Variants in RHBDD2 observed in about 807,000 individuals in gnomAD.
The protein encoded by RHBDD2 is rhomboid domain-containing protein 2.
A neutral mutation model predicts 21.7 loss-of-function variants in RHBDD2; 13 were observed. The ratio of observed to expected loss-of-function variants is 0.60; its 90% CI spans 0.39 to 0.95. RHBDD2 has a LOEUF of 0.95. Ranked by LOEUF, RHBDD2 falls within the 40% of genes least tolerant of loss-of-function variation. The probability of loss-of-function intolerance (pLI) is 0.00; values close to 1 mark genes in which losing one functional copy is unlikely to be tolerated. For missense variants in RHBDD2, 473 were observed against 478.9 expected, an observed-to-expected ratio of 0.99 and a Z score of 0.11; for synonymous variants, 225 against 220.0, an observed-to-expected ratio of 1.02 and a Z score of -0.20.
chr7:75,882,040 G>A lies in RHBDD2; in HGVS notation c.390G>A (p.Glu130=), dbSNP rs1805358231. 2 of 1,614,232 alleles carry A rather than the reference G, an allele frequency of 1.2e-6. No homozygotes were observed. Among genetic ancestry groups the A allele is most frequent in the East Asian group, 4.5e-5 (2 of 44,882 alleles). The stretch of plus-strand genomic sequence containing the variant: ...CACTGTCAAAGCTGGGGGAAGTGGA[G>A]GATGCCAGAGGTTTCACCCCAGTGG... ...VSSLSKLGEV[E]DARGFTPVAF... Residue 130 remains glutamate, a synonymous_variant, in exon 2 of 4, where the codon GAG becomes GAA. Coordinates refer to ENST00000006777, the MANE Select transcript of RHBDD2 (RefSeq NM_001040456.3).
chr7:75,885,132 A>AG (rs1335370458), intron 3 of RHBDD2, among the ~76,000 whole-genome samples: 1 of 151,646 alleles, frequency 6.6e-6, no homozygotes, highest in Admixed American at 6.6e-5. Flanking sequence ...AAAAAAAAAA[A>AG]AAAGGTGCAG....
chr7:75,879,320 C>T (rs2115968232), intron 1 of RHBDD2, 60 bp downstream of exon 1: 1 of 1,391,484 alleles, frequency 7.2e-7, no homozygotes, highest in Non-Finnish European at 9.4e-7. Flanking sequence ...TTGCCGGTTC[C>T]TGGGCTCTAG....
At position 75,888,175 on chromosome 7, in the gene RHBDD2, G is replaced by A; in HGVS notation, c.921G>A (p.Gln307=). Reference sequence around the variant, plus strand: ...CTGCCTCCGGCCTGTGCTATGTGCAGAACCACTTTGGTCCAAACCCCACCT... The same window carrying A: ...CTGCCTCCGGCCTGTGCTATGTGCAAAACCACTTTGGTCCAAACCCCACCT... The part of the protein sequence containing the change: ...YQPASGLCYV[Q]NHFGPNPTSS... The change falls in exon 4 of 4, where the codon CAG becomes CAA. Residue 307 remains glutamine, a synonymous_variant. Coordinates refer to ENST00000006777, the MANE Select transcript of RHBDD2 (RefSeq NM_001040456.3). 1.2e-6 allele frequency: 2 copies of A among 1,613,836 alleles called. No individual in the cohort carries two copies. The highest frequency in any genetic ancestry group is 1.1e-5 in the South Asian group (1 of 91,082).
Position 75,882,012 on chromosome 7 carries a change from C to T in RHBDD2, c.362C>T (p.Ser121Leu). ...AIIFLSFEAVSSLSKLGEVED... is the reference protein window; with the variant it reads ...AIIFLSFEAVLSLSKLGEVED... ...ATCTTCCTGTCATTCGAGGCTGTGT[C>T]ATCACTGTCAAAGCTGGGGGAAGTG... is the stretch of plus-strand genomic sequence containing the variant. The change falls in exon 2 of 4, where the codon TCA becomes TTA. Residue 121 changes from serine to leucine, a missense_variant. Ser to Leu is a moderately radical substitution (Grantham distance 145, BLOSUM62 -2). Transcript: ENST00000006777. 2 of 1,614,214 alleles carry T rather than the reference C, an allele frequency of 1.2e-6. No homozygotes were observed. The highest frequency in any genetic ancestry group is 1.7e-6 in the Non-Finnish European group (2 of 1,180,026).
chr7:75,886,397 C>T (rs1163910632), intron 3 of RHBDD2, among the ~76,000 whole-genome samples: 3 of 152,108 alleles, frequency 2.0e-5, no homozygotes, highest in African/African-American at 7.2e-5. Context: ...TTTAGTTGTT[C>T]TCATTGAATC....
rs1175935094 is a variant in RHBDD2 at position 75,879,186 on chromosome 7, G to A, written c.104G>A (p.Arg35His). The stretch of plus-strand genomic sequence containing the variant: ...CTCTCGCTGCTGGTTTCCGGGCCTC[G>A]CCTGTTCCTGCTGCAGCAGCCCCTG... The part of the protein sequence containing the change: ...ALLSLLVSGP[R>H]LFLLQQPLAP... Residue 35 changes from arginine (R) to histidine (H), a missense_variant, in exon 1 of 4, where the codon CGC becomes CAC. Transcript: ENST00000006777. The A allele has an allele frequency of 1.8e-5, 28 of 1,515,294 alleles. No homozygotes were observed. The highest frequency in any genetic ancestry group is 1.0e-4 in the African/African-American group (7 of 69,426). The allele number at this position is 1,515,294 out of a possible 1,614,324, so 93.9% of individuals were successfully genotyped here. A position where few individuals can be genotyped will look rare whatever the true frequency, so the allele number is the denominator to read the frequency against.
chr7:75,883,330 C>A (rs1206470937), intron 2 of RHBDD2, among the ~76,000 whole-genome samples: 4 of 151,956 alleles, frequency 2.6e-5, no homozygotes, highest in African/African-American at 9.7e-5. Context: ...ACCAGCCTAG[C>A]CAATATGGTG....
intron 3 of RHBDD2, among the ~76,000 whole-genome samples, 159 bp from the exon 4 acceptor site, chr7:75,887,833 T>A (rs543401698): frequency 6.6e-6 from 1 of 151,834 alleles, no homozygotes; most frequent in African/African-American, 2.4e-5. Flanking sequence ...TGTGGTCTGA[T>A]TGGTTGAGGT....
At chr7:75,881,414 G>C (rs1013182858) in intron 1 of RHBDD2, 2 of 1,294,268 alleles carry the variant, frequency 1.5e-6, no homozygotes, top group African/African-American at 1.5e-5. Context: ...CTGGCACACA[G>C]AGTGTTAAGT....
chr7:75,882,334 T>C (rs1222359953), intron 2 of RHBDD2, 98 bp downstream of exon 2: 8 of 1,198,970 alleles, frequency 6.7e-6, no homozygotes, highest in African/African-American at 3.1e-5. Flanking sequence ...GGGCTTACTT[T>C]GTATTTTTTC....
intron 2 of RHBDD2, chr7:75,883,387 C>T (rs186390937): frequency 9.8e-5 from 18 of 183,928 alleles, no homozygotes; most frequent in South Asian, 5.3e-4. Flanking sequence ...GGTGTGGTGA[C>T]GGGCACCTGT....
intron 1 of RHBDD2, 55 bp from the exon 2 acceptor site, chr7:75,881,774 G>T (rs1309153650): frequency 1.3e-6 from 2 of 1,517,960 alleles, no homozygotes; most frequent in South Asian, 1.3e-5. Context: ...TTATAACCTG[G>T]CTTCCCTCCT....
chr7:75,881,598 G>C, intron 1 of RHBDD2: 1 of 1,194,472 alleles, frequency 8.4e-7, no homozygotes, highest in Non-Finnish European at 1.1e-6. Flanking sequence ...TTACCGCTAA[G>C]AGTTGCACCA....
In RHBDD2 at chr7:75,888,106, C is replaced by T; in HGVS notation, c.852C>T (p.Pro284=). The change falls in exon 4 of 4, where the codon CCC becomes CCT. Residue 284 remains proline, a synonymous_variant. Transcript: ENST00000006777. ...HASGQKLASW[P]SCTPGHMPTL... is the part of the protein sequence containing the mutation. Reference sequence around the variant, plus strand: ...GTGGTCAGAAGCTGGCCTCCTGGCCCTCCTGCACCCCCGGGCACATGCCCA... The same window carrying T: ...GTGGTCAGAAGCTGGCCTCCTGGCCTTCCTGCACCCCCGGGCACATGCCCA... 6 of 1,613,802 alleles carry T rather than the reference C, an allele frequency of 3.7e-6. No homozygotes were observed. The highest frequency in any genetic ancestry group is 1.3e-5 in the African/African-American group (1 of 75,046).
chr7:75,883,362 T>C, intron 2 of RHBDD2: 1 of 172,128 alleles, frequency 5.8e-6, no homozygotes, highest in South Asian at 1.4e-4. Flanking sequence ...CTACTGAAAA[T>C]ACAAAAATTA....
chr7:75,879,052 G>A lies in RHBDD2; in HGVS notation c.-31G>A, dbSNP rs1554541899. The A allele has an allele frequency of 5.9e-6, 8 of 1,365,938 alleles. No homozygotes were observed. The highest frequency in any genetic ancestry group is 7.6e-6 in the Non-Finnish European group (8 of 1,056,360). 84.6% of individuals were successfully genotyped at this position (1,365,938 alleles called of 1,614,324 possible). ...AAGGAGCAGAGGACCGGCAGCCGGCGTCGAGGCGGGGCGCGGGAACGACGG... is the reference window on the plus strand; with the variant it reads ...AAGGAGCAGAGGACCGGCAGCCGGCATCGAGGCGGGGCGCGGGAACGACGG... On this transcript the variant is annotated 5_prime_UTR_variant, in exon 1 of 4. Transcript: ENST00000006777.
At chr7:75,882,399 T>G (rs1035188688) in intron 2 of RHBDD2, among the ~76,000 whole-genome samples, 163 bp downstream of exon 2, 2 of 152,186 alleles carry the variant, frequency 1.3e-5, no homozygotes, top group Non-Finnish European at 2.9e-5. Context: ...CTCAACTCAC[T>G]GCAACCTCTG....
At position 75,888,503 on chromosome 7, in the gene RHBDD2, C is replaced by T. The variant is rs1010070681; in HGVS notation, c.*154C>T. 6.1e-6 allele frequency: 4 copies of T among 659,072 alleles called. No homozygotes were observed. The highest frequency in any genetic ancestry group is 1.9e-5 in the South Asian group (1 of 53,914). The allele number at this position is 659,072 out of a possible 1,614,324, so 40.8% of individuals were successfully genotyped here. A position where few individuals can be genotyped will look rare whatever the true frequency, so the allele number is the denominator to read the frequency against. On this transcript the variant is annotated 3_prime_UTR_variant, in exon 4 of 4. Coordinates refer to ENST00000006777, the MANE Select transcript of RHBDD2 (RefSeq NM_001040456.3). The stretch of plus-strand genomic sequence containing the variant: ...GTTTCAGTCTCATCTGTACTCACGG[C>T]AGCCCTGTGGAGTACGGTGTACTGG...
Position 75,882,208 on chromosome 7 carries a change from T to G in RHBDD2, c.558T>G (p.Asn186Lys), listed in dbSNP as rs782152623. 1.2e-6 allele frequency: 2 copies of G among 1,613,764 alleles called. No individual in the cohort carries two copies. Among genetic ancestry groups the G allele is most frequent in the Middle Eastern group, 3.3e-4 (2 of 6,058 alleles). Residue 186 changes from asparagine to lysine, a missense_variant, in exon 2 of 4, where the codon AAT becomes AAG. Transcript: ENST00000006777. The stretch of plus-strand genomic sequence containing the variant: ...TTCCCCAGACCTCTTTCCTCAGTAA[T>G]GTCTGCGGGCTGTCCATCGGGCTGG... Reference protein sequence around the residue: ...WLIPQTSFLSNVCGLSIGLAY... With the variant: ...WLIPQTSFLSKVCGLSIGLAY...
Sources: allele counts gnomAD v4.1 joint callset (sites outside exome capture counted in the v4.1 genomes callset), GRCh38; gene constraint gnomAD v4.1.1; transcripts MANE v1.5; gene names NCBI Gene and HGNC (gene_info 2026-07-23, HGNC 2026-07-21).